Variants in MYT1L observed in about 807,000 individuals in gnomAD.
MYT1L encodes myelin transcription factor 1-like protein.
MYT1L carries 12 observed loss-of-function variants against 126.7 expected under a neutral mutation model. That is an observed-to-expected ratio of 0.09 (90% CI 0.06 to 0.15). The LOEUF is 0.15. MYT1L is among the 10% of genes least tolerant of loss of function. The pLI is 1.00. For missense variants in MYT1L, 979 were observed against 1,585.2 expected, an observed-to-expected ratio of 0.62 and a Z score of 6.49; for synonymous variants, 541 against 604.2, an observed-to-expected ratio of 0.90 and a Z score of 1.53.
intron 9 of MYT1L, among the ~76,000 whole-genome samples, chr2:1,941,756 T>C (rs1336310130): frequency 6.6e-6 from 1 of 152,216 alleles, no homozygotes; most frequent in Non-Finnish European, 1.5e-5. Context: ...CATATCTATC[T>C]ATGTTCTGTA....
chr2:2,182,803 G>A (rs144702233), intron 2 of MYT1L, among the ~76,000 whole-genome samples: 5 of 152,126 alleles, frequency 3.3e-5, no homozygotes, highest in Non-Finnish European at 4.4e-5. Flanking sequence ...GTCCCAGCGC[G>A]GCCCACAATG....
intron 21 of MYT1L, among the ~76,000 whole-genome samples, chr2:1,821,664 G>A (rs1017111134): frequency 1.3e-5 from 2 of 152,186 alleles, no homozygotes; most frequent in Non-Finnish European, 2.9e-5. Flanking sequence ...GGCTGTTCAC[G>A]CATACATCCC....
chr2:2,267,106 G>A (rs912191131), intron 2 of MYT1L, among the ~76,000 whole-genome samples: 3 of 152,226 alleles, frequency 2.0e-5, no homozygotes, highest in Non-Finnish European at 4.4e-5. Context: ...CGAATAGAAA[G>A]TGTGCAGATG....
chr2:1,868,265 G>C (rs542764411), intron 18 of MYT1L, among the ~76,000 whole-genome samples: 3 of 152,282 alleles, frequency 2.0e-5, no homozygotes, highest in Non-Finnish European at 4.4e-5. Context: ...GCCCGGCCTT[G>C]GCTCTGATGT....
At position 1,807,937 on chromosome 2, in the gene MYT1L, G is replaced by T. The variant is rs142437376; in HGVS notation, c.3172+1139C>A. ...GGGAGGTAATTGAATCATGGGGGTG[G>T]TTACCTCCATGCTGTTCCTGATACT... On this transcript the variant is annotated intron_variant, in intron 22 of 24. Transcript: ENST00000647738. Among the ~76,000 whole-genome samples, 532 of 152,246 alleles carry T rather than the reference G, an allele frequency of 3.5e-3. 3 individuals are homozygous for T. The highest frequency in any genetic ancestry group is 0.012 in the African/African-American group (516 of 41,542).
At chr2:2,143,838 A>G (rs2084426188) in intron 3 of MYT1L, among the ~76,000 whole-genome samples, 1 of 152,156 alleles carries the variant, frequency 6.6e-6, no homozygotes, top group Admixed American at 6.5e-5. Flanking sequence ...GGAGGCCATT[A>G]TCCTAAGTGA....
At chr2:1,925,229 G>A (rs556685305) in intron 9 of MYT1L, among the ~76,000 whole-genome samples, 4 of 152,300 alleles carry the variant, frequency 2.6e-5, no homozygotes, top group Non-Finnish European at 4.4e-5. Flanking sequence ...AACTCATTGT[G>A]TGGTCCTGAA....
intron 22 of MYT1L, among the ~76,000 whole-genome samples, chr2:1,808,086 T>C (rs2035997619): frequency 6.6e-6 from 1 of 152,210 alleles, no homozygotes; most frequent in Admixed American, 6.5e-5. Flanking sequence ...GTAGGTTTCC[T>C]GAGACCTCCC....
At chr2:1,962,029 G>A (rs1042603824) in intron 8 of MYT1L, among the ~76,000 whole-genome samples, 1 of 152,134 alleles carries the variant, frequency 6.6e-6, no homozygotes, top group South Asian at 2.1e-4. Flanking sequence ...TGATCTCCAC[G>A]AATTACATGA....
At chr2:2,002,100 T>C (rs1017388784) in intron 4 of MYT1L, among the ~76,000 whole-genome samples, 3 of 152,336 alleles carry the variant, frequency 2.0e-5, no homozygotes, top group Middle Eastern at 3.4e-3. Context: ...CATCCTCAAA[T>C]GCTTTCCATT....
intron 18 of MYT1L, among the ~76,000 whole-genome samples, chr2:1,860,327 A>C (rs921797796): frequency 1.8e-4 from 27 of 152,088 alleles, no homozygotes; most frequent in Admixed American, 2.0e-4. Flanking sequence ...AAAAATACAA[A>C]AGGTGACTGG....
At position 1,790,839 on chromosome 2, in the gene MYT1L, C is replaced by A; in HGVS notation, c.*1028G>T. ...GGTTCATAACAATAATAGGAATAAT[C>A]ATAATTTTTTAAAGTGAAAAGGGGA... On this transcript the variant is annotated 3_prime_UTR_variant, in exon 25 of 25. Transcript: ENST00000647738. 1 of 160,828 alleles carries A rather than the reference C, an allele frequency of 6.2e-6. No homozygotes were observed. Among genetic ancestry groups the A allele is most frequent in the East Asian group, 1.8e-4 (1 of 5,598 alleles). 10.0% of individuals were successfully genotyped at this position (160,828 alleles called of 1,614,324 possible). A position where few individuals can be genotyped will look rare whatever the true frequency, so the allele number is the denominator to read the frequency against.
chr2:2,090,809 G>A (rs2076842495), intron 3 of MYT1L, among the ~76,000 whole-genome samples: 1 of 152,080 alleles, frequency 6.6e-6, no homozygotes, highest in Admixed American at 6.6e-5. Flanking sequence ...CTAAATTCTT[G>A]TTGTTGATTC....
Position 2,265,662 on chromosome 2 carries a change from A to G in MYT1L, c.-421+18742T>C, listed in dbSNP as rs116177524. Among the ~76,000 whole-genome samples the G allele has an allele frequency of 3.8e-3, 580 of 152,290 alleles. 5 individuals are homozygous for G. The highest frequency in any genetic ancestry group is 0.014 in the African/African-American group (562 of 41,566). ...TGGGCCTTGAGGTTGTGACCGTGAG[A>G]AAGATTATTTAATCTTTTGGTAACA... On this transcript the variant is annotated intron_variant, in intron 2 of 24. Coordinates refer to ENST00000647738, the MANE Select transcript of MYT1L (RefSeq NM_001303052.2).
chr2:2,005,262 A>G (rs112911106), intron 4 of MYT1L, among the ~76,000 whole-genome samples: 141 of 9,448 alleles, frequency 0.015, no homozygotes, highest in Middle Eastern at 0.071. Flanking sequence ...TTTCCTGCAT[A>G]CGTTCTTTCC....
chr2:1,800,108 T>C (rs1053683124), intron 23 of MYT1L: 1 of 152,226 alleles, frequency 6.6e-6, no homozygotes, highest in African/African-American at 2.4e-5. Context: ...AGGGTGAATT[T>C]TTGATCTGTC....
intron 21 of MYT1L, among the ~76,000 whole-genome samples, chr2:1,826,694 G>A (rs2039399307): frequency 6.6e-6 from 1 of 152,180 alleles, no homozygotes; most frequent in Admixed American, 6.5e-5. Context: ...CCGGCGTCGG[G>A]GAAAGCGGAG....
At chr2:2,291,481 C>T (rs2149463241) in intron 1 of MYT1L, among the ~76,000 whole-genome samples, 1 of 152,314 alleles carries the variant, frequency 6.6e-6, no homozygotes, top group South Asian at 2.1e-4. Flanking sequence ...GGATGGGAGG[C>T]AGGAGACTGG....
rs1329067754 is a variant in MYT1L at position 1,806,917 on chromosome 2, C to T, written c.3172+2159G>A. Among the ~76,000 whole-genome samples, 3 of 152,222 alleles carry T rather than the reference C, an allele frequency of 2.0e-5. No individual in the cohort carries two copies. The highest frequency in any genetic ancestry group is 1.3e-4 in the Admixed American group (2 of 15,280). ...AATGCCCTCTAAGTATTTTGAAAAG[C>T]GCCCGGCATGCAGATGGGGCTTAGG... On this transcript the variant is annotated intron_variant, in intron 22 of 24. Coordinates refer to ENST00000647738, the MANE Select transcript of MYT1L (RefSeq NM_001303052.2). The surrounding 1 kb of genome is among the most constrained non-coding windows in gnomAD (Gnocchi z 4.9).
Sources: allele counts gnomAD v4.1 joint callset (sites outside exome capture counted in the v4.1 genomes callset), GRCh38; gene constraint gnomAD v4.1.1; non-coding constraint Gnocchi (gnomAD v3.1); transcripts MANE v1.5; gene names NCBI Gene and HGNC (gene_info 2026-07-23, HGNC 2026-07-21).